Variants in CACNA1C observed in about 807,000 individuals in gnomAD.
The protein encoded by CACNA1C is voltage-dependent L-type calcium channel subunit alpha-1C.
In CACNA1C, 30 loss-of-function variants were observed where a neutral mutation model predicts 229.0. That is an observed-to-expected ratio of 0.13 (90% CI 0.10 to 0.18). The LOEUF (loss-of-function observed/expected upper bound fraction) is 0.18, where lower values mean the gene tolerates loss of function less well. Among genes scored for constraint, CACNA1C ranks in the 10% least tolerant of loss-of-function variants. The probability of loss-of-function intolerance (pLI) is 1.00; values close to 1 mark genes in which losing one functional copy is unlikely to be tolerated. For missense variants in CACNA1C, 1,658 were observed against 2,845.0 expected (o/e 0.58, Z 9.49); for synonymous variants, 1,114 against 1,132.5 (o/e 0.98, Z 0.33).
At chr12:2,311,053 C>T (rs1457779420) in intron 3 of CACNA1C, among the ~76,000 whole-genome samples, 3 of 152,218 alleles carry the variant, frequency 2.0e-5, no homozygotes, top group Non-Finnish European at 2.9e-5. Flanking sequence ...TATGGCCACA[C>T]ACAGTGAGGC....
intron 3 of CACNA1C, among the ~76,000 whole-genome samples, chr12:2,364,443 C>T (rs548427692): frequency 9.9e-5 from 15 of 152,218 alleles, no homozygotes; most frequent in African/African-American, 2.6e-4. Context: ...CCTGTAAACC[C>T]GGTGTGGCGG....
rs1387132392 is a variant in CACNA1C at position 2,354,440 on chromosome 12, T to G, written c.478-94536T>G. ...AGCTAGCCAGGGCTGCAGCTATGACTGCAGCCTGTAGGGAAACGCCGGGAG... is the reference window on the plus strand; with the variant it reads ...AGCTAGCCAGGGCTGCAGCTATGACGGCAGCCTGTAGGGAAACGCCGGGAG... On this transcript the variant is annotated intron_variant, in intron 3 of 46. Transcript: ENST00000399655. This position sits in a 1 kb window ranked among gnomAD's most constrained non-coding sequence, Gnocchi z 4.6. Among the ~76,000 whole-genome samples the G allele has an allele frequency of 6.6e-6, 1 of 152,154 alleles. No individual in the cohort carries two copies. The highest frequency in any genetic ancestry group is 1.5e-5 in the Non-Finnish European group (1 of 68,032).
intron 1 of CACNA1C, among the ~76,000 whole-genome samples, chr12:2,075,801 T>G (rs1040331675): frequency 3.3e-5 from 5 of 152,158 alleles, no homozygotes; most frequent in Non-Finnish European, 7.3e-5. Flanking sequence ...GCCCCAGGTT[T>G]CTCCTGGGAG....
At chr12:2,362,564 G>T (rs2097584579) in intron 3 of CACNA1C, among the ~76,000 whole-genome samples, 1 of 152,170 alleles carries the variant, frequency 6.6e-6, no homozygotes, top group Non-Finnish European at 1.5e-5. Flanking sequence ...TCCTGCTGGG[G>T]TGCATGTGTG....
At chr12:2,572,352 TCCTCTCCTCCTCCTTCTC>T (rs1568495168) in intron 13 of CACNA1C, among the ~76,000 whole-genome samples, 1 of 123,506 alleles carries the variant, frequency 8.1e-6, no homozygotes, top group African/African-American at 3.1e-5. Flanking sequence ...CTCCTCCTCC[TCCTCTCCTCCTCCTTCTC>T]CTCTTCCTCC....
At chr12:2,623,509 G>A (rs2084529936) in intron 29 of CACNA1C, among the ~76,000 whole-genome samples, 1 of 152,120 alleles carries the variant, frequency 6.6e-6, no homozygotes, top group African/African-American at 2.4e-5. Flanking sequence ...CCCGAGATCA[G>A]CCTGGCTAGA....
rs578105120 is a variant in CACNA1C, at chr12:2,406,875, C to T, written c.478-42101C>T. Among the ~76,000 whole-genome samples the T allele has an allele frequency of 3.9e-5, 6 of 152,320 alleles. No homozygotes were observed. The South Asian group carries it at 8.3e-4, about 21-fold the overall frequency. On this transcript the variant is annotated intron_variant, in intron 3 of 46. Coordinates refer to ENST00000399655, the MANE Select transcript of CACNA1C (RefSeq NM_000719.7). ...GGATGTTCTGGGTATTATGCAGCTC[C>T]GGATGTTATCTGAAGCCTTCCCTTA... is the stretch of plus-strand genomic sequence containing the variant.
Position 2,597,521 on chromosome 12 carries a change from C to CT in CACNA1C, c.2853+233dup. ...GGTAATGCAACCTGGGCAATGCATC[C>CT]TCTGTCGCTTTCTTTGTCTATCTCT... On this transcript the variant is annotated intron_variant, in intron 21 of 46. Transcript: ENST00000399655. The surrounding 1 kb of genome is among the most constrained non-coding windows in gnomAD (Gnocchi z 4.3). The CT allele has an allele frequency of 1.4e-6, 2 of 1,420,346 alleles. No homozygotes were observed. Among genetic ancestry groups the CT allele is most frequent in the Non-Finnish European group, 2.0e-6 (2 of 1,003,374 alleles). 88.0% of individuals were successfully genotyped at this position (1,420,346 alleles called of 1,614,324 possible). A position where few individuals can be genotyped will look rare whatever the true frequency, so the allele number is the denominator to read the frequency against.
chr12:2,566,335 C>T lies in CACNA1C; in HGVS notation c.1509-87C>T, dbSNP rs553313154. On this transcript the variant is annotated intron_variant, in intron 11 of 46. Transcript: ENST00000399655. This position sits in a 1 kb window ranked among gnomAD's most constrained non-coding sequence, Gnocchi z 4.0. ...CTAGCAAGGCCAGATCAGTGAGGGG[C>T]GAGAAGAGCCATGGTGCTGCATCTT... The T allele has an allele frequency of 3.6e-5, 45 of 1,239,338 alleles. No individual in the cohort carries two copies. The highest frequency in any genetic ancestry group is 6.7e-5 in the Admixed American group (3 of 44,664). 76.8% of individuals were successfully genotyped at this position (1,239,338 alleles called of 1,614,324 possible).
At chr12:2,667,980 G>C (rs1183286219) in intron 37 of CACNA1C, among the ~76,000 whole-genome samples, 1 of 152,248 alleles carries the variant, frequency 6.6e-6, no homozygotes, top group Non-Finnish European at 1.5e-5. Flanking sequence ...AGCCTGTTCT[G>C]GGGGTGTGTG....
At chr12:2,091,900 G>C (rs112890538) in intron 1 of CACNA1C, among the ~76,000 whole-genome samples, 4 of 152,276 alleles carry the variant, frequency 2.6e-5, no homozygotes, top group African/African-American at 7.2e-5. Flanking sequence ...GGCTTTGCCT[G>C]GGTGGGAACC....
Position 2,585,233 on chromosome 12 carries a change from C to A in CACNA1C, c.2340-143C>A. The A allele has an allele frequency of 2.9e-6, 2 of 691,868 alleles. No individual in the cohort carries two copies. Among genetic ancestry groups the A allele is most frequent in the Non-Finnish European group, 4.5e-6 (2 of 447,674 alleles). The allele number at this position is 691,868 out of a possible 1,614,324, so 42.9% of individuals were successfully genotyped here. A position where few individuals can be genotyped will look rare whatever the true frequency, so the allele number is the denominator to read the frequency against. On this transcript the variant is annotated intron_variant, in intron 16 of 46. Transcript: ENST00000399655. This position sits in a 1 kb window ranked among gnomAD's most constrained non-coding sequence, Gnocchi z 4.1. The stretch of plus-strand genomic sequence containing the variant: ...TTGTGACTGAGCTGCACACGAGAAG[C>A]GTCCTGGAGAAAGGAAGATGGACTC...
At chr12:2,435,679 G>A (rs577026051) in intron 3 of CACNA1C, among the ~76,000 whole-genome samples, 12 of 152,338 alleles carry the variant, frequency 7.9e-5, no homozygotes, top group South Asian at 4.1e-4. Context: ...GAGGGAGGCC[G>A]TGGCTGGGAC....
intron 2 of CACNA1C, 85 bp downstream of exon 2, chr12:2,115,630 T>A: frequency 7.5e-7 from 1 of 1,341,032 alleles, no homozygotes; most frequent in Non-Finnish European, 1.1e-6. Context: ...CCACGAGCTG[T>A]GTCAGCTGTG....
At chr12:2,092,001 C>T (rs1470924255) in intron 1 of CACNA1C, among the ~76,000 whole-genome samples, 1 of 152,186 alleles carries the variant, frequency 6.6e-6, no homozygotes, top group East Asian at 1.9e-4. Context: ...GTCCCTCTCG[C>T]TCTGCCATAT....
rs1181987990 is a variant in CACNA1C, at chr12:2,632,376, TCA to T, written c.3829-1918_3829-1917del. Among the ~76,000 whole-genome samples, 1 of 151,778 alleles carries T rather than the reference TCA, an allele frequency of 6.6e-6. No individual in the cohort carries two copies. Among genetic ancestry groups the T allele is most frequent in the East Asian group, 1.9e-4 (1 of 5,142 alleles). On this transcript the variant is annotated intron_variant, in intron 29 of 46. Coordinates refer to ENST00000399655, the MANE Select transcript of CACNA1C (RefSeq NM_000719.7). The surrounding 1 kb of genome is among the most constrained non-coding windows in gnomAD (Gnocchi z 4.1). The stretch of plus-strand genomic sequence containing the variant: ...GCTGGGGGTGTATGCACCCATTCAG[TCA>T]CAGAACATCGCTGTGCAGGCCCCTA...
At chr12:2,439,011 G>T (rs994801558) in intron 3 of CACNA1C, among the ~76,000 whole-genome samples, 7 of 152,150 alleles carry the variant, frequency 4.6e-5, no homozygotes, top group Non-Finnish European at 8.8e-5. Flanking sequence ...AGCCCTGATT[G>T]GTAATATCTG....
chr12:2,143,923 C>T (rs2094493335), intron 3 of CACNA1C, among the ~76,000 whole-genome samples: 1 of 150,854 alleles, frequency 6.6e-6, no homozygotes, highest in South Asian at 2.1e-4. Context: ...ACACCCAGTG[C>T]TATTTACATG....
rs1033290661 is a variant in CACNA1C at position 2,108,701 on chromosome 12, T to C, written c.50-6523T>C. On this transcript the variant is annotated intron_variant, in intron 1 of 46. Coordinates refer to ENST00000399655, the MANE Select transcript of CACNA1C (RefSeq NM_000719.7). The surrounding 1 kb of genome is among the most constrained non-coding windows in gnomAD (Gnocchi z 5.3). Reference sequence around the variant, plus strand: ...CCATCCTTCCAGAGAGGAGTGCCACTGGGGTTGAGATGACAGGGCCTCGGG... The same window carrying C: ...CCATCCTTCCAGAGAGGAGTGCCACCGGGGTTGAGATGACAGGGCCTCGGG... 3.9e-4 allele frequency among the ~76,000 whole-genome samples: 59 copies of C among 152,266 alleles called. No homozygotes were observed. Among genetic ancestry groups the C allele is most frequent in the African/African-American group, 1.4e-3 (58 of 41,552 alleles).
Sources: allele counts gnomAD v4.1 joint callset (sites outside exome capture counted in the v4.1 genomes callset), GRCh38; gene constraint gnomAD v4.1.1; non-coding constraint Gnocchi (gnomAD v3.1); transcripts MANE v1.5; gene names NCBI Gene and HGNC (gene_info 2026-07-23, HGNC 2026-07-21).